USP3: variants seen among roughly 807,000 people sequenced by gnomAD.
USP3 encodes ubiquitin carboxyl-terminal hydrolase 3.
USP3 carries 20 observed loss-of-function variants against 72.3 expected under a neutral mutation model. The observed-to-expected ratio is 0.28, with a 90% confidence interval of 0.19 to 0.40. The LOEUF is 0.40. Ranked by LOEUF, USP3 falls within the 10% of genes least tolerant of loss-of-function variation. The pLI, the probability that USP3 is intolerant of heterozygous loss-of-function variation, is 1.00. For missense variants in USP3, 479 were observed against 633.9 expected, an observed-to-expected ratio of 0.76 and a Z score of 2.62; for synonymous variants, 222 against 225.3, an observed-to-expected ratio of 0.99 and a Z score of 0.13.
At chr15:63,514,159 C>A (rs1036434842) in intron 1 of USP3, among the ~76,000 whole-genome samples, 1 of 152,012 alleles carries the variant, frequency 6.6e-6, no homozygotes, top group African/African-American at 2.4e-5. Flanking sequence ...AGCTTAAATG[C>A]GTTAGTTTCA....
intron 3 of USP3, among the ~76,000 whole-genome samples, chr15:63,549,116 A>G (rs530907924): frequency 1.3e-5 from 2 of 152,226 alleles, no homozygotes; most frequent in African/African-American, 2.4e-5. Context: ...ACATGTAATC[A>G]ATGTAAAATT....
chr15:63,560,686 C>G (rs557120392), intron 7 of USP3, among the ~76,000 whole-genome samples: 1 of 151,692 alleles, frequency 6.6e-6, no homozygotes, highest in Admixed American at 6.6e-5. Flanking sequence ...TTGGTTGATA[C>G]GGAGAGGGGG....
At chr15:63,559,361 G>T (rs1005821969) in intron 6 of USP3, among the ~76,000 whole-genome samples, 1 of 152,218 alleles carries the variant, frequency 6.6e-6, no homozygotes, top group African/African-American at 2.4e-5. Flanking sequence ...TTGCTGATAA[G>T]AAGCAGAAGG....
intron 3 of USP3, chr15:63,551,466 T>C (rs1482537136): frequency 1.3e-5 from 2 of 151,970 alleles, no homozygotes; most frequent in African/African-American, 4.8e-5. Context: ...TCACCATAAC[T>C]CATGGTATCT....
intron 9 of USP3, among the ~76,000 whole-genome samples, chr15:63,571,448 T>C (rs1433697476): frequency 6.6e-6 from 1 of 152,240 alleles, no homozygotes; most frequent in Non-Finnish European, 1.5e-5. Context: ...ATTGCCATAC[T>C]TCTCAAAATG....
intron 1 of USP3, among the ~76,000 whole-genome samples, chr15:63,517,396 C>T (rs1413318841): frequency 6.6e-6 from 1 of 152,056 alleles, no homozygotes; most frequent in African/African-American, 2.4e-5. Context: ...TGCTGTGCTC[C>T]CTGTATGGTT....
intron 6 of USP3, 149 bp downstream of exon 6, chr15:63,558,337 T>C (rs897992972): frequency 2.6e-5 from 21 of 816,282 alleles, no homozygotes; most frequent in Admixed American, 1.7e-4. Flanking sequence ...ATCAGTAAAA[T>C]TGGGGACAGT....
At chr15:63,541,571 G>A (rs530861590) in intron 3 of USP3, among the ~76,000 whole-genome samples, 1 of 152,212 alleles carries the variant, frequency 6.6e-6, no homozygotes, top group Middle Eastern at 3.4e-3. Context: ...GTACTTGTCT[G>A]CTTTTAACAA....
intron 11 of USP3, among the ~76,000 whole-genome samples, chr15:63,581,345 T>TTGTG (rs59188081): frequency 0.012 from 1,580 of 130,084 alleles, 15 homozygotes; most frequent in East Asian, 0.035. Flanking sequence ...GTGTTGGTTT[T>TTGTG]TGTGTGTGTG....
chr15:63,508,402 A>AT (rs2065740869), intron 1 of USP3, among the ~76,000 whole-genome samples: 1 of 152,316 alleles, frequency 6.6e-6, no homozygotes, highest in Admixed American at 6.5e-5. Flanking sequence ...CTGCCAAAAA[A>AT]GTTAACAGTC....
Position 63,570,697 on chromosome 15 carries a change from T to G in USP3, c.908+118T>G. 1.4e-6 allele frequency: 2 copies of G among 1,436,898 alleles called. No homozygotes were observed. The highest frequency in any genetic ancestry group is 1.9e-6 in the Non-Finnish European group (2 of 1,074,194). 89.0% of individuals were successfully genotyped at this position (1,436,898 alleles called of 1,614,324 possible). A position where few individuals can be genotyped will look rare whatever the true frequency, so the allele number is the denominator to read the frequency against. On this transcript the variant is annotated intron_variant, in intron 9 of 14. Transcript: ENST00000380324. This position sits in a 1 kb window ranked among gnomAD's most constrained non-coding sequence, Gnocchi z 4.4. ...GTTTCTTGGACATTTGCTGGAACTT[T>G]TCGTGCCCTTGAACTTTGTGACCCA...
chr15:63,545,007 G>T (rs1282368397), intron 3 of USP3, among the ~76,000 whole-genome samples: 5 of 152,162 alleles, frequency 3.3e-5, no homozygotes, highest in Non-Finnish European at 7.4e-5. Context: ...ATGAGTTTTT[G>T]AGAGTGTATA....
Position 63,570,324 on chromosome 15 carries a change from T to A in USP3, c.762-109T>A. Reference sequence around the variant, plus strand: ...TGAAGGTGAGGAAGCCTGGCTGTGCTTGTGAGCACGGGGCTGCCGTCCTTT... The same window carrying A: ...TGAAGGTGAGGAAGCCTGGCTGTGCATGTGAGCACGGGGCTGCCGTCCTTT... On this transcript the variant is annotated intron_variant, in intron 8 of 14. Transcript: ENST00000380324. The surrounding 1 kb of genome is among the most constrained non-coding windows in gnomAD (Gnocchi z 4.4). 1 of 1,429,708 alleles carries A rather than the reference T, an allele frequency of 7.0e-7. No individual in the cohort carries two copies. The highest frequency in any genetic ancestry group is 9.5e-7 in the Non-Finnish European group (1 of 1,053,252). 88.6% of individuals were successfully genotyped at this position (1,429,708 alleles called of 1,614,324 possible). A position where few individuals can be genotyped will look rare whatever the true frequency, so the allele number is the denominator to read the frequency against.
chr15:63,506,550 A>G (rs1037385047), intron 1 of USP3, among the ~76,000 whole-genome samples: 2 of 152,188 alleles, frequency 1.3e-5, no homozygotes, highest in South Asian at 2.1e-4. Flanking sequence ...ACATACATCT[A>G]AAAAATGGAA....
intron 5 of USP3, among the ~76,000 whole-genome samples, chr15:63,557,288 A>C (rs2066528761): frequency 6.8e-6 from 1 of 147,458 alleles, no homozygotes; most frequent in Non-Finnish European, 1.5e-5. Flanking sequence ...TTTGAGATGG[A>C]GTCTCACTCT....
rs753334229 is a variant in USP3 at position 63,540,518 on chromosome 15, A to G, written c.284+3362A>G. Among the ~76,000 whole-genome samples, 36 of 152,176 alleles carry G rather than the reference A, an allele frequency of 2.4e-4. 1 individual carries two copies. The highest frequency in any genetic ancestry group is 5.9e-5 in the Non-Finnish European group (4 of 68,034). The stretch of plus-strand genomic sequence containing the variant: ...ATGGGGAAGGTTACATCAGATCTAT[A>G]ATACTGTGTCCCCTGATCATCTTGA... On this transcript the variant is annotated intron_variant, in intron 3 of 14. Coordinates refer to ENST00000380324, the MANE Select transcript of USP3 (RefSeq NM_006537.4).
At chr15:63,560,365 G>A (rs963901112) in intron 7 of USP3, among the ~76,000 whole-genome samples, 8 of 149,848 alleles carry the variant, frequency 5.3e-5, no homozygotes, top group East Asian at 3.9e-4. Flanking sequence ...GCGGTGAGCC[G>A]AGATCGCGCC....
intron 1 of USP3, among the ~76,000 whole-genome samples, chr15:63,507,589 G>A (rs1178734081): frequency 6.6e-6 from 1 of 152,160 alleles, no homozygotes; most frequent in Non-Finnish European, 1.5e-5. Flanking sequence ...AGAACAGACT[G>A]GCTTTATGCT....
In USP3 at chr15:63,520,554, ATTTTTTT is replaced by A. The variant is rs35244583; in HGVS notation, c.92-12072_92-12066del. On this transcript the variant is annotated intron_variant, in intron 1 of 14. Transcript: ENST00000380324. ...TTTGTTTGTTTGATTTCTGTTTTAG[ATTTTTTT>A]TTTTTTTTTTTTTTTTTTTTGAGAT... 4.7e-5 allele frequency among the ~76,000 whole-genome samples: 5 copies of A among 105,420 alleles called. No individual in the cohort carries two copies. In the East Asian group the frequency reaches 9.1e-4, roughly 19 times the overall value. 69.2% of individuals were successfully genotyped at this position (105,420 alleles called of 152,430 possible).
Sources: allele counts gnomAD v4.1 joint callset (sites outside exome capture counted in the v4.1 genomes callset), GRCh38; gene constraint gnomAD v4.1.1; non-coding constraint Gnocchi (gnomAD v3.1); transcripts MANE v1.5; gene names NCBI Gene and HGNC (gene_info 2026-07-23, HGNC 2026-07-21).